PCDH9: variants seen among roughly 807,000 people sequenced by gnomAD.
The protein encoded by PCDH9 is protocadherin 9.
In PCDH9, 24 loss-of-function variants were observed where a neutral mutation model predicts 70.6. The observed-to-expected ratio is 0.34, with a 90% CI of 0.25 to 0.48. PCDH9 has a LOEUF of 0.48. PCDH9 is among the 20% of genes least tolerant of loss of function. The probability of loss-of-function intolerance (pLI) is 0.99; values close to 1 mark genes in which losing one functional copy is unlikely to be tolerated. For missense variants in PCDH9, 1,281 were observed against 1,503.6 expected, an observed-to-expected ratio of 0.85 and a Z score of 2.45; for synonymous variants, 562 against 558.5, an observed-to-expected ratio of 1.01 and a Z score of -0.09.
At chr13:66,519,352 C>G (rs1959885278) in intron 4 of PCDH9, among the ~76,000 whole-genome samples, 2 of 152,008 alleles carry the variant, frequency 1.3e-5, no homozygotes, top group African/African-American at 4.8e-5. Flanking sequence ...GTTAAATTCA[C>G]CATTAATCGG....
At chr13:66,671,463 G>A (rs1445404004) in intron 3 of PCDH9, among the ~76,000 whole-genome samples, 1 of 152,150 alleles carries the variant, frequency 6.6e-6, no homozygotes, top group Non-Finnish European at 1.5e-5. Flanking sequence ...TCAGAAGAAA[G>A]GAAGATGCAG....
intron 4 of PCDH9, among the ~76,000 whole-genome samples, chr13:66,472,787 C>A (rs1367049217): frequency 6.6e-6 from 1 of 152,008 alleles, no homozygotes; most frequent in Non-Finnish European, 1.5e-5. Flanking sequence ...TCTTCTAAAA[C>A]TTACAAAGCA....
chr13:66,733,264 T>C (rs1387479657), intron 3 of PCDH9, among the ~76,000 whole-genome samples: 1 of 152,138 alleles, frequency 6.6e-6, no homozygotes, highest in African/African-American at 2.4e-5. Flanking sequence ...CCTTTAACCA[T>C]GACATCAATA....
intron 4 of PCDH9, among the ~76,000 whole-genome samples, chr13:66,358,550 A>C (rs1956421227): frequency 6.6e-6 from 1 of 151,914 alleles, no homozygotes; most frequent in Admixed American, 6.6e-5. Context: ...TCTACGGAAA[A>C]CTTTTTTTTC....
At chr13:66,498,494 G>GA (rs1307475795) in intron 4 of PCDH9, among the ~76,000 whole-genome samples, 1 of 151,708 alleles carries the variant, frequency 6.6e-6, no homozygotes, top group East Asian at 1.9e-4. Context: ...GAACACAGAG[G>GA]AAAACTCCTT....
intron 3 of PCDH9, among the ~76,000 whole-genome samples, chr13:66,675,942 G>T (rs1033683134): frequency 2.0e-5 from 3 of 151,972 alleles, no homozygotes; most frequent in African/African-American, 7.3e-5. Flanking sequence ...TATTATTCTG[G>T]TCTATATTCG....
chr13:67,043,674 G>A (rs1472518063), intron 2 of PCDH9, among the ~76,000 whole-genome samples: 1 of 152,102 alleles, frequency 6.6e-6, no homozygotes, highest in Non-Finnish European at 1.5e-5. Flanking sequence ...AAAAATATTG[G>A]CTCATTTAAC....
At chr13:66,765,419 G>A (rs2079699640) in intron 3 of PCDH9, among the ~76,000 whole-genome samples, 1 of 151,958 alleles carries the variant, frequency 6.6e-6, no homozygotes, top group Admixed American at 6.6e-5. Flanking sequence ...CTTAATGTGT[G>A]AGAACTCATT....
At chr13:66,702,517 A>T (rs2078659947) in intron 3 of PCDH9, among the ~76,000 whole-genome samples, 1 of 152,166 alleles carries the variant, frequency 6.6e-6, no homozygotes, top group Non-Finnish European at 1.5e-5. Flanking sequence ...TATAATTAAT[A>T]ATACTGTATT....
intron 3 of PCDH9, among the ~76,000 whole-genome samples, chr13:66,679,615 T>C (rs959634138): frequency 1.3e-5 from 2 of 151,998 alleles, no homozygotes; most frequent in African/African-American, 2.4e-5. Context: ...AATTAATGTA[T>C]CTGAAACCTT....
At chr13:66,374,759 T>G (rs1956719748) in intron 4 of PCDH9, among the ~76,000 whole-genome samples, 2 of 152,038 alleles carry the variant, frequency 1.3e-5, no homozygotes, top group Admixed American at 1.3e-4. Context: ...TATTTCACAT[T>G]CTAAACTTAA....
At chr13:66,530,511 C>G (rs115504922) in intron 4 of PCDH9, among the ~76,000 whole-genome samples, 25 of 151,724 alleles carry the variant, frequency 1.6e-4, no homozygotes, top group African/African-American at 6.0e-4. Context: ...CTTAACAGAA[C>G]TATGACATTA....
At chr13:66,610,007 G>A (rs1420775703) in intron 4 of PCDH9, among the ~76,000 whole-genome samples, 2 of 146,818 alleles carry the variant, frequency 1.4e-5, no homozygotes, top group Admixed American at 6.8e-5. Context: ...GCCCAGGCTG[G>A]AGTGCAGTGG....
At chr13:66,756,865 T>C (rs1445257601) in intron 3 of PCDH9, among the ~76,000 whole-genome samples, 1 of 152,156 alleles carries the variant, frequency 6.6e-6, no homozygotes, top group Non-Finnish European at 1.5e-5. Context: ...GACAGAGTCC[T>C]AGCTCCATCA....
intron 4 of PCDH9, among the ~76,000 whole-genome samples, chr13:66,348,371 T>A (rs979853697): frequency 5.4e-5 from 8 of 148,480 alleles, no homozygotes; most frequent in African/African-American, 1.5e-4. Context: ...AAGAAAAAAA[T>A]TTCAACAACA....
At chr13:67,089,551 C>T (rs1208588842) in intron 2 of PCDH9, among the ~76,000 whole-genome samples, 1 of 151,760 alleles carries the variant, frequency 6.6e-6, no homozygotes, top group Non-Finnish European at 1.5e-5. Context: ...TGGACTCTGC[C>T]GTCAAGCAAC....
At chr13:66,390,462 G>A (rs2138266590) in intron 4 of PCDH9, among the ~76,000 whole-genome samples, 1 of 152,268 alleles carries the variant, frequency 6.6e-6, no homozygotes, top group South Asian at 2.1e-4. Context: ...AAGGCCAGGT[G>A]TGATGGCTCA....
intron 2 of PCDH9, among the ~76,000 whole-genome samples, chr13:67,140,699 T>G (rs555760305): frequency 6.6e-6 from 1 of 152,362 alleles, no homozygotes; most frequent in South Asian, 2.1e-4. Flanking sequence ...TCCACTCTAC[T>G]GATCTCTTTA....
intron 4 of PCDH9, among the ~76,000 whole-genome samples, chr13:66,437,139 G>T (rs1957881660): frequency 6.6e-6 from 1 of 151,272 alleles, no homozygotes; most frequent in African/African-American, 2.4e-5. Flanking sequence ...AAACAGGCCG[G>T]GCTCATACCT....
Sources: allele counts gnomAD v4.1 joint callset (sites outside exome capture counted in the v4.1 genomes callset), GRCh38; gene constraint gnomAD v4.1.1; transcripts MANE v1.5; gene names NCBI Gene and HGNC (gene_info 2026-07-23, HGNC 2026-07-21).